The following RPS6KA6 variants were observed in gnomAD, a reference collection of about 807,000 sequenced individuals.
The protein encoded by RPS6KA6 is ribosomal protein S6 kinase A6.
In RPS6KA6, 27 loss-of-function variants were observed where a neutral mutation model predicts 65.4. The observed-to-expected ratio is 0.41, with a 90% CI of 0.30 to 0.57. The LOEUF is 0.57. RPS6KA6 is among the 20% of genes least tolerant of loss of function. The pLI, the probability that RPS6KA6 is intolerant of heterozygous loss-of-function variation, is 0.24. For synonymous variants in RPS6KA6, 190 were observed against 184.2 expected (o/e 1.03, Z -0.26); for missense variants, 486 against 555.6 (o/e 0.87, Z 1.26).
At chrX:84,145,663 T>C in intron 5 of RPS6KA6, 106 bp from the exon 6 acceptor site, 1 of 418,562 alleles carries the variant, frequency 2.4e-6, no homozygotes, top group East Asian at 4.5e-5. Context: ...TTTACTCACA[T>C]GGTTCATTAA....
At chrX:84,124,300 A>G (rs997547235) in intron 8 of RPS6KA6, among the ~76,000 whole-genome samples, 8 of 111,949 alleles carry the variant, frequency 7.1e-5, no homozygotes, top group African/African-American at 2.6e-4. Context: ...TCACCAAATG[A>G]ACTAAATAAG....
intron 20 of RPS6KA6, among the ~76,000 whole-genome samples, chrX:84,091,732 A>G (rs753197908): frequency 3.6e-5 from 4 of 112,259 alleles, no homozygotes; most frequent in Admixed American, 2.8e-4. Context: ...TTATGAAGAT[A>G]CATGCACGTG....
intron 3 of RPS6KA6, among the ~76,000 whole-genome samples, chrX:84,153,774 A>G (rs2035368501): frequency 9.0e-6 from 1 of 111,324 alleles, no homozygotes; most frequent in Admixed American, 9.6e-5. Context: ...CAAATGATGT[A>G]ACACTGACAA....
At chrX:84,107,166 T>A (rs933924315) in intron 13 of RPS6KA6, 126 bp from the exon 14 acceptor site, 1 of 521,393 alleles carries the variant, frequency 1.9e-6, no homozygotes, top group Non-Finnish European at 2.9e-6. Flanking sequence ...TTTGATTTAT[T>A]ATATATTATC....
intron 2 of RPS6KA6, among the ~76,000 whole-genome samples, chrX:84,161,571 T>C (rs1009507121): frequency 3.6e-5 from 4 of 110,791 alleles, no homozygotes; most frequent in Non-Finnish European, 7.6e-5. Flanking sequence ...GAAAAAAAAA[T>C]CCACCATACA....
At chrX:84,106,804 A>G in intron 14 of RPS6KA6, 106 bp downstream of exon 14, 6 of 662,706 alleles carry the variant, frequency 9.1e-6, no homozygotes, top group South Asian at 3.6e-5. Context: ...CCAATAGATA[A>G]ACAAAGAAGT....
chrX:84,106,956 T>C lies in RPS6KA6; in HGVS notation c.1196A>G (p.Tyr399Cys), dbSNP rs370830847. 8.4e-7 allele frequency: 1 copy of C among 1,196,583 alleles called. No individual in the cohort carries two copies. Among genetic ancestry groups the C allele is most frequent in the Non-Finnish European group, 1.1e-6 (1 of 883,638 alleles). ...TGCACTTGTGATAGGAGTGATTTTA[T>C]ATTCTTCTGCAATAGAAGTTGCAAC... ...SFVATSIAEE[Y>C]KITPITSANV... The change falls in exon 14 of 22, where the codon TAT becomes TGT. Residue 399 changes from tyrosine to cysteine, a missense_variant. Around this residue, in one of 3 missense-constraint regions of RPS6KA6, gnomAD observed 345 missense variants for 375.0 expected, o/e 0.92. Transcript: ENST00000262752.
chrX:84,065,127 T>G lies in RPS6KA6; in HGVS notation c.1972-16A>C, dbSNP rs370792843. ...AAAGCAAATCCTAAATTAAAAAAAA[T>G]GTGTGTGTATATATATATACATGTA... On this transcript the variant is annotated splice_polypyrimidine_tract_variant and intron_variant, in intron 20 of 21. Transcript: ENST00000262752. The G allele has an allele frequency of 9.0e-5, 101 of 1,125,265 alleles. No individual in the cohort carries two copies. Among genetic ancestry groups the G allele is most frequent in the Non-Finnish European group, 1.1e-4 (92 of 826,876 alleles). The allele number at this position is 1,125,265 out of a possible 1,213,427, so 92.7% of individuals were successfully genotyped here.
chrX:84,115,336 C>A (rs2034544383), intron 12 of RPS6KA6, among the ~76,000 whole-genome samples: 1 of 111,312 alleles, frequency 9.0e-6, no homozygotes, highest in Non-Finnish European at 1.9e-5. Context: ...ATACAAGCAG[C>A]CAACAAACAT....
intron 20 of RPS6KA6, among the ~76,000 whole-genome samples, chrX:84,095,163 CCA>C (rs1281074333): frequency 1.8e-5 from 2 of 111,649 alleles, no homozygotes; most frequent in African/African-American, 6.5e-5. Flanking sequence ...GGACAAATCC[CCA>C]GTTTATTTAT....
chrX:84,097,086 A>C (rs1245005933), intron 19 of RPS6KA6, among the ~76,000 whole-genome samples: 1 of 111,063 alleles, frequency 9.0e-6, no homozygotes, highest in Non-Finnish European at 1.9e-5. Context: ...TACTAAATGC[A>C]CTCTTTAAAA....
intron 9 of RPS6KA6, among the ~76,000 whole-genome samples, chrX:84,118,691 T>G (rs961196908): frequency 2.7e-5 from 3 of 112,186 alleles, no homozygotes; most frequent in Non-Finnish European, 3.8e-5. Flanking sequence ...TTCTTTTTGA[T>G]CTGTGTCATC....
At chrX:84,164,255 T>A in intron 2 of RPS6KA6, 73 bp downstream of exon 2, 1 of 791,805 alleles carries the variant, frequency 1.3e-6, no homozygotes, top group Admixed American at 2.5e-5. Context: ...TGATAGGAGC[T>A]TTTCTCCTTT....
chrX:84,156,139 T>C lies in RPS6KA6; in HGVS notation c.194A>G (p.Tyr65Cys). The C allele has an allele frequency of 8.3e-7, 1 of 1,197,710 alleles. No individual in the cohort carries two copies. Among genetic ancestry groups the C allele is most frequent in the Non-Finnish European group, 1.1e-6 (1 of 883,217 alleles). Residue 65 changes from tyrosine to cysteine, a missense_variant, in exon 3 of 22, where the codon TAT (tyrosine) becomes TGT (cysteine). Physicochemically the swap from Tyr to Cys is radical, Grantham distance 194 (BLOSUM62 -2). Coordinates refer to ENST00000262752, the MANE Select transcript of RPS6KA6 (RefSeq NM_014496.5). ...AAACTGTGCAGGATCTGCTTTCTCA[T>C]AGCCTTCCTTAACATGATGAGTAAT... is the stretch of plus-strand genomic sequence containing the variant. Reference protein sequence around the residue: ...IPITHHVKEGYEKADPAQFEL... With the variant: ...IPITHHVKEGCEKADPAQFEL...
intron 20 of RPS6KA6, among the ~76,000 whole-genome samples, chrX:84,089,329 T>C (rs1445169105): frequency 4.5e-5 from 5 of 112,051 alleles, no homozygotes; most frequent in Admixed American, 9.4e-5. Flanking sequence ...TTCCAGCCTG[T>C]TGCTGCTGGT....
At position 84,075,237 on chromosome X, in the gene RPS6KA6, AAAC is replaced by A. The variant is rs1159238934; in HGVS notation, c.1972-10129_1972-10127del. ...ACAGAGCGAGACTCCGTCGCAAAAC[AAAC>A]AAACAAACAAACAAACAAACAACCT... On this transcript the variant is annotated intron_variant, in intron 20 of 21. Transcript: ENST00000262752. Among the ~76,000 whole-genome samples the A allele has an allele frequency of 4.0e-4, 39 of 98,118 alleles. No individual in the cohort carries two copies. The East Asian group carries it at 0.015, about 39-fold the overall frequency. 85.2% of individuals were successfully genotyped at this position (98,118 alleles called of 115,157 possible). A position where few individuals can be genotyped will look rare whatever the true frequency, so the allele number is the denominator to read the frequency against.
At chrX:84,151,121 GAT>G (rs1265562745) in intron 3 of RPS6KA6, among the ~76,000 whole-genome samples, 1 of 95,585 alleles carries the variant, frequency 1.0e-5, no homozygotes, top group African/African-American at 3.8e-5. Context: ...ATATATATAG[GAT>G]ATATATAGAT....
At chrX:84,177,463 TAAAG>T (rs1197046535) in intron 1 of RPS6KA6, among the ~76,000 whole-genome samples, 1 of 111,687 alleles carries the variant, frequency 9.0e-6, no homozygotes, top group African/African-American at 3.3e-5. Context: ...AGTAAATAAA[TAAAG>T]AGCCAGAATT....
intron 6 of RPS6KA6, among the ~76,000 whole-genome samples, chrX:84,138,023 G>C (rs1251127808): frequency 9.0e-6 from 1 of 111,517 alleles, no homozygotes; most frequent in African/African-American, 3.3e-5. Context: ...TTTTATTATA[G>C]GGTAATTGTT....
Sources: allele counts gnomAD v4.1 joint callset (sites outside exome capture counted in the v4.1 genomes callset), GRCh38; gene constraint gnomAD v4.1.1; regional missense constraint gnomAD v4.1.1; transcripts MANE v1.5; gene names NCBI Gene and HGNC (gene_info 2026-07-23, HGNC 2026-07-21).